DNMT3A: variants seen among roughly 807,000 people sequenced by gnomAD.
The protein encoded by DNMT3A is DNA methyltransferase 3 alpha.
In DNMT3A, 267 loss-of-function variants were observed where a neutral mutation model predicts 117.6. That is an observed-to-expected ratio of 2.27 (90% CI 2.05 to 2.51). The LOEUF is 2.51. Ranked by LOEUF, DNMT3A falls within the 30% of genes most tolerant of loss-of-function variation. The pLI, the probability that DNMT3A is intolerant of heterozygous loss-of-function variation, is 0.00. For missense variants in DNMT3A, 1,029 were observed against 1,260.2 expected (o/e 0.82, Z 2.78); for synonymous variants, 432 against 474.8 (o/e 0.91, Z 1.17).
chr2:25,269,601 A>G (rs995999233), intron 6 of DNMT3A, among the ~76,000 whole-genome samples: 4 of 152,200 alleles, frequency 2.6e-5, no homozygotes, highest in Non-Finnish European at 1.5e-5. Flanking sequence ...AGACTTGAGA[A>G]ATAGCCAGAG....
Position 25,339,032 on chromosome 2 carries a change from C to A in DNMT3A, c.-178+2794G>T, listed in dbSNP as rs550563187. Among the ~76,000 whole-genome samples, 1 of 152,076 alleles carries A rather than the reference C, an allele frequency of 6.6e-6. No homozygotes were observed. The highest frequency in any genetic ancestry group is 6.5e-5 in the Admixed American group (1 of 15,276). ...TCTGCAGAGTCGGACGTGACCAACC[C>A]GTCTCTTGCAGGGACCCTCCTCACA... On this transcript the variant is annotated intron_variant, in intron 1 of 22. Coordinates refer to ENST00000321117, the MANE Select transcript of DNMT3A (RefSeq NM_022552.5). This position sits in a 1 kb window ranked among gnomAD's most constrained non-coding sequence, Gnocchi z 4.9.
intron 5 of DNMT3A, 80 bp from the exon 6 acceptor site, chr2:25,275,167 T>C (rs1321967158): frequency 4.1e-6 from 6 of 1,463,464 alleles, no homozygotes; most frequent in Non-Finnish European, 5.4e-6. Context: ...TCAAACACAA[T>C]GTGGACACTG....
Position 25,241,589 on chromosome 2 carries a change from C to G in DNMT3A, c.2055G>C (p.Gly685=). The G allele has an allele frequency of 6.2e-7, 1 of 1,613,080 alleles. No homozygotes were observed. Among genetic ancestry groups the G allele is most frequent in the South Asian group, 1.1e-5 (1 of 90,848 alleles). Reference sequence around the variant, plus strand: ...GCTTCTGTGTGACGCTGCGGACGTCCCCGACGTACATGATCTTCCCCTGGT... The same window carrying G: ...GCTTCTGTGTGACGCTGCGGACGTCGCCGACGTACATGATCTTCCCCTGGT... ...VRHQGKIMYV[G]DVRSVTQKHI... Residue 685 remains glycine, a synonymous_variant, in exon 17 of 23, where the codon GGG becomes GGC. Transcript: ENST00000321117.
Position 25,244,274 on chromosome 2 carries a change from C to G in DNMT3A, c.1732G>C (p.Glu578Gln), listed in dbSNP as rs1302320339. 1.2e-6 allele frequency: 2 copies of G among 1,613,676 alleles called. No individual in the cohort carries two copies. Among genetic ancestry groups the G allele is most frequent in the Non-Finnish European group, 1.7e-6 (2 of 1,179,870 alleles). Residue 578 changes from glutamate (E) to glutamine (Q), a missense_variant, in exon 15 of 23, where the codon GAA becomes CAA. By Grantham distance (29) the Glu-to-Gln change is conservative (BLOSUM62 2). Coordinates refer to ENST00000321117, the MANE Select transcript of DNMT3A (RefSeq NM_022552.5). ...CACATGTAGCAGTTCCAGGGGTCTT[C>G]CTTAATGGCTGCCTGGGCAGCCCCC... Reference protein sequence around the residue: ...GPGAAQAAIKEDPWNCYMCGH... With the variant: ...GPGAAQAAIKQDPWNCYMCGH...
rs765733093 is a variant in DNMT3A, at chr2:25,240,705, AG to A, written c.2107del (p.Leu703TrpfsTer2). On this transcript the variant is annotated frameshift_variant, in exon 18 of 23. Transcript: ENST00000321117. LOFTEE classifies it high-confidence loss of function. ...ATTGCAGGGACTGCCCCCAATCACC[AG>A]ATCGAATGGGCCCCACTCCTGGATC... is the stretch of plus-strand genomic sequence containing the variant. The part of the protein sequence containing the change: ...KHIQEWGPFD[L>X]VIGGSPCNDL... The A allele has an allele frequency of 1.2e-6, 2 of 1,614,214 alleles. No homozygotes were observed. Among genetic ancestry groups the A allele is most frequent in the Non-Finnish European group, 1.7e-6 (2 of 1,180,030 alleles).
Position 25,229,418 on chromosome 2 carries a change from C to G in DNMT3A, c.*4861G>C, listed in dbSNP as rs1672787130. 6.6e-6 allele frequency: 1 copy of G among 152,302 alleles called. No homozygotes were observed. Among genetic ancestry groups the G allele is most frequent in the Non-Finnish European group, 1.5e-5 (1 of 68,098 alleles). The allele number at this position is 152,302 out of a possible 1,614,324, so 9.4% of individuals were successfully genotyped here. On this transcript the variant is annotated 3_prime_UTR_variant, in exon 23 of 23. Coordinates refer to ENST00000321117, the MANE Select transcript of DNMT3A (RefSeq NM_022552.5). ...TGGGAGCGGGGAGGTTTCAGCTGCTCCCTGGCAAACAGGCAGGACTCCCAG... is the reference window on the plus strand; with the variant it reads ...TGGGAGCGGGGAGGTTTCAGCTGCTGCCTGGCAAACAGGCAGGACTCCCAG...
chr2:25,341,956 C>CCTCG (rs963995927), upstream of DNMT3A: 132 of 973,450 alleles, frequency 1.4e-4, no homozygotes, highest in Non-Finnish European at 1.5e-4. Flanking sequence ...CGCCTGCCTG[C>CCTCG]CTCGCTCGCT....
At chr2:25,336,476 T>TCC (rs908981926) in intron 1 of DNMT3A, among the ~76,000 whole-genome samples, 4 of 152,046 alleles carry the variant, frequency 2.6e-5, no homozygotes, top group Non-Finnish European at 4.4e-5. Context: ...GACCCTGGCC[T>TCC]CCCCCTTAAT....
intron 6 of DNMT3A, among the ~76,000 whole-genome samples, chr2:25,274,350 C>T (rs2031208820): frequency 6.6e-6 from 1 of 152,248 alleles, no homozygotes. Context: ...CCTTCTATGG[C>T]TGCCCAGTAT....
rs959982310 is a variant in DNMT3A at position 25,282,979 on chromosome 2, G to A, written c.178-268C>T. On this transcript the variant is annotated intron_variant, in intron 3 of 22. Coordinates refer to ENST00000321117, the MANE Select transcript of DNMT3A (RefSeq NM_022552.5). This position sits in a 1 kb window ranked among gnomAD's most constrained non-coding sequence, Gnocchi z 5.2. ...TCCAAGCAGGTTTGCCAGCCTGGTT[G>A]CACTTCTCAAGGGATCGGCTCCCCC... Among the ~76,000 whole-genome samples, 1 of 152,170 alleles carries A rather than the reference G, an allele frequency of 6.6e-6. No individual in the cohort carries two copies. Among genetic ancestry groups the A allele is most frequent in the South Asian group, 2.1e-4 (1 of 4,832 alleles).
At chr2:25,275,412 C>T in intron 5 of DNMT3A, 88 bp downstream of exon 5, 2 of 1,407,046 alleles carry the variant, frequency 1.4e-6, no homozygotes, top group Non-Finnish European at 1.9e-6. Context: ...GAGGAGGGGC[C>T]CACCCTCCGC....
rs539589944 is a variant in DNMT3A, at chr2:25,308,477, C to T, written c.72+5436G>A. On this transcript the variant is annotated intron_variant, in intron 2 of 22. Coordinates refer to ENST00000321117, the MANE Select transcript of DNMT3A (RefSeq NM_022552.5). Reference sequence around the variant, plus strand: ...CAATTTAAGAGAATTTTAGAGAAACCGAAGCCCAAAATGTAGGTCCTGCTC... The same window carrying T: ...CAATTTAAGAGAATTTTAGAGAAACTGAAGCCCAAAATGTAGGTCCTGCTC... Among the ~76,000 whole-genome samples the T allele has an allele frequency of 9.2e-5, 14 of 152,024 alleles. 1 individual carries two copies. The South Asian group carries it at 1.0e-3, about 11-fold the overall frequency.
intron 6 of DNMT3A, among the ~76,000 whole-genome samples, chr2:25,272,239 G>A (rs1380116344): frequency 2.0e-5 from 3 of 152,182 alleles, no homozygotes; most frequent in African/African-American, 7.2e-5. Flanking sequence ...CACCCGCCTC[G>A]GCCTCCCGAA....
intron 1 of DNMT3A, chr2:25,314,483 C>G (rs1040292802): frequency 5.1e-6 from 5 of 985,256 alleles, no homozygotes; most frequent in Non-Finnish European, 6.0e-6. Flanking sequence ...GAAAGCTTCC[C>G]GCATCCTCCC....
At chr2:25,287,893 G>A (rs2032433428) in intron 3 of DNMT3A, among the ~76,000 whole-genome samples, 3 of 151,706 alleles carry the variant, frequency 2.0e-5, no homozygotes, top group Non-Finnish European at 4.4e-5. Flanking sequence ...GGAGCACAGT[G>A]GTGCAATCTC....
chr2:25,292,386 T>C (rs1193349359), intron 3 of DNMT3A, among the ~76,000 whole-genome samples: 2 of 151,820 alleles, frequency 1.3e-5, no homozygotes, highest in Admixed American at 6.6e-5. Flanking sequence ...AAAAAGCCAT[T>C]ACGTATGAGA....
At position 25,319,929 on chromosome 2, in the gene DNMT3A, C is replaced by T. The variant is rs149497797; in HGVS notation, c.-177-5768G>A. ...GGATTACAGGCACCCGCCGCCATGCCCGGCTAATTTTTGCATTTTTAGTAG... is the reference window on the plus strand; with the variant it reads ...GGATTACAGGCACCCGCCGCCATGCTCGGCTAATTTTTGCATTTTTAGTAG... On this transcript the variant is annotated intron_variant, in intron 1 of 22. Coordinates refer to ENST00000321117, the MANE Select transcript of DNMT3A (RefSeq NM_022552.5). 8.7e-3 allele frequency among the ~76,000 whole-genome samples: 1,323 copies of T among 152,236 alleles called. 15 individuals are homozygous for T. The highest frequency in any genetic ancestry group is 0.029 in the African/African-American group (1,187 of 41,542).
At chr2:25,248,009 G>C (rs1675041931) in intron 7 of DNMT3A, 28 bp downstream of exon 7, 1 of 1,611,380 alleles carries the variant, frequency 6.2e-7, no homozygotes, top group African/African-American at 1.3e-5. Flanking sequence ...GGAAAGAGCT[G>C]GCCACGGCTG....
chr2:25,272,527 C>G lies in DNMT3A; in HGVS notation c.639+2414G>C, dbSNP rs548262788. On this transcript the variant is annotated intron_variant, in intron 6 of 22. Coordinates refer to ENST00000321117, the MANE Select transcript of DNMT3A (RefSeq NM_022552.5). ...GGGCTAAATGAGAACAGAAACACTT[C>G]GCTCACAGAACCAGGAGCTAAAAAG... is the stretch of plus-strand genomic sequence containing the variant. 6.6e-4 allele frequency among the ~76,000 whole-genome samples: 101 copies of G among 152,306 alleles called. 1 individual carries two copies. The highest frequency in any genetic ancestry group is 2.2e-3 in the African/African-American group (92 of 41,566).
Sources: allele counts gnomAD v4.1 joint callset (sites outside exome capture counted in the v4.1 genomes callset), GRCh38; gene constraint gnomAD v4.1.1; non-coding constraint Gnocchi (gnomAD v3.1); transcripts MANE v1.5; gene names NCBI Gene and HGNC (gene_info 2026-07-23, HGNC 2026-07-21).